The following MON2 variants were observed in gnomAD, a reference collection of about 807,000 sequenced individuals.
MON2 encodes the protein MON2 regulator of endosome-to-Golgi trafficking, also known as protein MON2 homolog.
MON2 carries 84 observed loss-of-function variants against 208.6 expected under a neutral mutation model. The ratio of observed to expected loss-of-function variants is 0.40; its 90% CI spans 0.34 to 0.48. MON2 has a LOEUF of 0.48. MON2 is among the 20% of genes least tolerant of loss of function. MON2 has a pLI of 0.59. For synonymous variants in MON2, 660 were observed against 694.0 expected, an observed-to-expected ratio of 0.95 and a Z score of 0.77; for missense variants, 1,611 against 2,015.4, an observed-to-expected ratio of 0.80 and a Z score of 3.84.
chr12:62,501,502 A>G, intron 6 of MON2, 71 bp from the exon 7 acceptor site: 2 of 1,550,960 alleles, frequency 1.3e-6, no homozygotes, highest in Middle Eastern at 1.7e-4. Flanking sequence ...TTTTTTAAAG[A>G]TTTATGAACT....
intron 10 of MON2, 151 bp downstream of exon 10, chr12:62,525,371 G>C (rs1263301956): frequency 1.4e-6 from 1 of 711,144 alleles, no homozygotes; most frequent in Non-Finnish European, 2.3e-6. Context: ...AGAATAATCT[G>C]ATCTCAATGA....
At chr12:62,551,358 GAGA>G (rs1230021985) in intron 23 of MON2, among the ~76,000 whole-genome samples, 18 of 151,998 alleles carry the variant, frequency 1.2e-4, no homozygotes, top group African/African-American at 4.4e-4. Flanking sequence ...AGGGAGGCCT[GAGA>G]AGAAGTAAAA....
In MON2 at chr12:62,571,949, G is replaced by A. The variant is rs1399427219; in HGVS notation, c.4514+367G>A. Among the ~76,000 whole-genome samples, 4 of 152,228 alleles carry A rather than the reference G, an allele frequency of 2.6e-5. No homozygotes were observed. In the East Asian group the frequency reaches 7.7e-4, roughly 29 times the overall value. Reference sequence around the variant, plus strand: ...AGTGTATTACCAGAATAAATAGGATGAGTGGCAATATAATGATCAGCTCTT... The same window carrying A: ...AGTGTATTACCAGAATAAATAGGATAAGTGGCAATATAATGATCAGCTCTT... On this transcript the variant is annotated intron_variant, in intron 30 of 34. Coordinates refer to ENST00000393630, the MANE Select transcript of MON2 (RefSeq NM_015026.3).
chr12:62,576,040 T>C (rs1245525898), intron 30 of MON2, among the ~76,000 whole-genome samples: 1 of 152,172 alleles, frequency 6.6e-6, no homozygotes, highest in Non-Finnish European at 1.5e-5. Context: ...AAATTGAATG[T>C]AATATATTCA....
chr12:62,565,412 A>G (rs746901815), intron 27 of MON2, 32 bp downstream of exon 27: 6 of 1,553,522 alleles, frequency 3.9e-6, no homozygotes, highest in Non-Finnish European at 5.3e-6. Flanking sequence ...TTACTTTGTA[A>G]GATTTCATGG....
intron 1 of MON2, among the ~76,000 whole-genome samples, chr12:62,469,012 G>C (rs1168999741): frequency 6.6e-6 from 1 of 151,886 alleles, no homozygotes; most frequent in Non-Finnish European, 1.5e-5. Context: ...GCAGTGGTGC[G>C]ATCTGCAACC....
intron 22 of MON2, among the ~76,000 whole-genome samples, chr12:62,548,137 A>G (rs2073576689): frequency 6.6e-6 from 1 of 152,214 alleles, no homozygotes; most frequent in South Asian, 2.1e-4. Flanking sequence ...CAGAGGAATG[A>G]CTTAATCACA....
At chr12:62,531,809 GC>G (rs2072660178) in intron 11 of MON2, among the ~76,000 whole-genome samples, 2 of 151,186 alleles carry the variant, frequency 1.3e-5, no homozygotes, top group African/African-American at 4.9e-5. Flanking sequence ...TCACTCTGTT[GC>G]CCAGGCTGGA....
intron 2 of MON2, among the ~76,000 whole-genome samples, chr12:62,492,707 A>G (rs949844277): frequency 2.1e-5 from 3 of 141,106 alleles, no homozygotes; most frequent in African/African-American, 7.6e-5. Flanking sequence ...ACAGCCAGGC[A>G]CGGTGGCTCA....
intron 1 of MON2, among the ~76,000 whole-genome samples, chr12:62,481,239 TGGCTC>T (rs1428168778): frequency 2.4e-4 from 37 of 152,180 alleles, no homozygotes; most frequent in African/African-American, 8.9e-4. Flanking sequence ...AAAATACTGA[TGGCTC>T]GGCCAGGCGT....
At chr12:62,471,097 A>T (rs11174494) in intron 1 of MON2, among the ~76,000 whole-genome samples, 18,274 of 152,236 alleles carry the variant, frequency 0.12, 1,384 homozygotes, top group Middle Eastern at 0.26. Flanking sequence ...GAAATGTGTG[A>T]TGCCTCCCAG....
At chr12:62,492,623 G>A (rs1311368247) in intron 2 of MON2, among the ~76,000 whole-genome samples, 3 of 145,976 alleles carry the variant, frequency 2.1e-5, no homozygotes, top group South Asian at 2.2e-4. Flanking sequence ...CACCCGCCTC[G>A]GCCTCCCAAA....
intron 29 of MON2, among the ~76,000 whole-genome samples, chr12:62,569,131 G>T (rs1466258045): frequency 1.3e-5 from 2 of 152,128 alleles, no homozygotes; most frequent in East Asian, 3.8e-4. Flanking sequence ...GTTTAGATGT[G>T]TAAACATTTT....
At chr12:62,536,841 G>A (rs7316612) in intron 14 of MON2, among the ~76,000 whole-genome samples, 54,821 of 151,392 alleles carry the variant, frequency 0.36, 10,086 homozygotes, top group African/African-American at 0.4. Flanking sequence ...GAAGTGCATC[G>A]ACATACCTGG....
Position 62,585,444 on chromosome 12 carries a change from A to G in MON2, c.4850A>G (p.Asp1617Gly), listed in dbSNP as rs371055664. ...ALSVLLKRSQ[D>G]VLHRYIEDER... is the part of the protein sequence containing the mutation. ...TCAGTGCTTTTAAAGAGGTCCCAAG[A>G]TGTACTACATCGCTATATAGAGGAT... The change falls in exon 33 of 35, where the codon GAT becomes GGT. Residue 1617 changes from aspartate (D) to glycine (G), a missense_variant. Coordinates refer to ENST00000393630, the MANE Select transcript of MON2 (RefSeq NM_015026.3). The G allele has an allele frequency of 6.2e-7, 1 of 1,613,560 alleles. No homozygotes were observed. The highest frequency in any genetic ancestry group is 1.3e-5 in the African/African-American group (1 of 74,926).
At chr12:62,483,269 G>T (rs1423409059) in intron 1 of MON2, among the ~76,000 whole-genome samples, 1 of 152,020 alleles carries the variant, frequency 6.6e-6, no homozygotes, top group Admixed American at 6.6e-5. Flanking sequence ...TAGCCAAATG[G>T]CTACCAAATT....
rs377363679 is a variant in MON2 at position 62,546,846 on chromosome 12, T to A, written c.2578-51T>A. On this transcript the variant is annotated intron_variant, in intron 21 of 34. Coordinates refer to ENST00000393630, the MANE Select transcript of MON2 (RefSeq NM_015026.3). Reference sequence around the variant, plus strand: ...AACTTGAAAAGCAACAGTAAAGCCTTCTTGTCTTTTTGGACTTCTCTTCCT... The same window carrying A: ...AACTTGAAAAGCAACAGTAAAGCCTACTTGTCTTTTTGGACTTCTCTTCCT... The A allele has an allele frequency of 1.8e-5, 25 of 1,388,542 alleles. No individual in the cohort carries two copies. In the African/African-American group the frequency reaches 3.5e-4, roughly 20 times the overall value. The allele number at this position is 1,388,542 out of a possible 1,614,324, so 86.0% of individuals were successfully genotyped here.
In MON2 at chr12:62,530,778, G is replaced by A. The variant is rs538744173; in HGVS notation, c.1401-1660G>A. On this transcript the variant is annotated intron_variant, in intron 11 of 34. Coordinates refer to ENST00000393630, the MANE Select transcript of MON2 (RefSeq NM_015026.3). ...GTAAGTGGAATTGCTGGGTTATATG[G>A]TCACTCTATGTTTACATTTTTGAGG... is the stretch of plus-strand genomic sequence containing the variant. Among the ~76,000 whole-genome samples, 8 of 152,220 alleles carry A rather than the reference G, an allele frequency of 5.3e-5. No individual in the cohort carries two copies. The South Asian group carries it at 1.0e-3, about 20-fold the overall frequency.
intron 7 of MON2, among the ~76,000 whole-genome samples, chr12:62,504,566 T>G (rs552781330): frequency 6.6e-6 from 1 of 152,276 alleles, no homozygotes; most frequent in African/African-American, 2.4e-5. Flanking sequence ...GGATTTATTA[T>G]ACTTAGAAAA....
Sources: allele counts gnomAD v4.1 joint callset (sites outside exome capture counted in the v4.1 genomes callset), GRCh38; gene constraint gnomAD v4.1.1; transcripts MANE v1.5; gene names NCBI Gene and HGNC (gene_info 2026-07-23, HGNC 2026-07-21).